Variants in TMEM132D observed in about 807,000 individuals in gnomAD.
TMEM132D encodes mature OL transmembrane protein.
In TMEM132D, 21 loss-of-function variants were observed where a neutral mutation model predicts 62.3. The observed-to-expected ratio is 0.34, with a 90% confidence interval of 0.24 to 0.49. TMEM132D has a LOEUF of 0.49. Ranked by LOEUF, TMEM132D falls within the 20% of genes least tolerant of loss-of-function variation. The pLI is 0.99. For synonymous variants in TMEM132D, 621 were observed against 575.6 expected, an observed-to-expected ratio of 1.08 and a Z score of -1.13; for missense variants, 1,346 against 1,402.8, an observed-to-expected ratio of 0.96 and a Z score of 0.65.
At chr12:129,156,402 C>T (rs967524055) in intron 5 of TMEM132D, among the ~76,000 whole-genome samples, 3 of 151,580 alleles carry the variant, frequency 2.0e-5, no homozygotes, top group African/African-American at 7.3e-5. Flanking sequence ...CCCAAGATAA[C>T]CAACCCACTC....
intron 2 of TMEM132D, among the ~76,000 whole-genome samples, chr12:129,675,614 GAA>G (rs1880608944): frequency 6.6e-6 from 1 of 152,292 alleles, no homozygotes; most frequent in Admixed American, 6.5e-5. Context: ...TGATAAGAAG[GAA>G]AAGTTTCCTC....
At chr12:129,530,810 C>A (rs938838996) in intron 3 of TMEM132D, among the ~76,000 whole-genome samples, 1 of 152,134 alleles carries the variant, frequency 6.6e-6, no homozygotes, top group African/African-American at 2.4e-5. Flanking sequence ...TCAATTCCAT[C>A]TGCATGGTGC....
At chr12:129,205,730 G>A (rs563615929) in intron 5 of TMEM132D, among the ~76,000 whole-genome samples, 4 of 151,858 alleles carry the variant, frequency 2.6e-5, no homozygotes, top group Admixed American at 2.0e-4. Context: ...TCATCACCAC[G>A]TGGAACATAC....
chr12:129,219,240 T>C (rs1040170777), intron 4 of TMEM132D, among the ~76,000 whole-genome samples: 2 of 152,152 alleles, frequency 1.3e-5, no homozygotes, highest in African/African-American at 2.4e-5. Context: ...TTTCTTGTGA[T>C]AGTGAATAAG....
At chr12:129,464,237 A>C (rs1055875325) in intron 3 of TMEM132D, among the ~76,000 whole-genome samples, 1 of 151,950 alleles carries the variant, frequency 6.6e-6, no homozygotes, top group Non-Finnish European at 1.5e-5. Context: ...GATGATGAGC[A>C]TTTTTTCATG....
chr12:129,469,613 G>A (rs577625464), intron 3 of TMEM132D, among the ~76,000 whole-genome samples: 5 of 152,022 alleles, frequency 3.3e-5, no homozygotes, highest in Non-Finnish European at 7.3e-5. Flanking sequence ...TCAGGTATAC[G>A]GCAGTGACCA....
chr12:129,605,604 T>TATACACACACAC (rs150550863), intron 2 of TMEM132D, among the ~76,000 whole-genome samples: 7 of 106,208 alleles, frequency 6.6e-5, no homozygotes, highest in East Asian at 4.6e-4. Context: ...TATATATATA[T>TATACACACACAC]ACACACACAT....
chr12:129,488,499 C>T (rs1481947866), intron 3 of TMEM132D, among the ~76,000 whole-genome samples: 1 of 151,948 alleles, frequency 6.6e-6, no homozygotes, highest in Non-Finnish European at 1.5e-5. Flanking sequence ...ATGACAAAAC[C>T]CTGTCTCTAT....
chr12:129,902,702 A>T (rs1377312390), intron 1 of TMEM132D, among the ~76,000 whole-genome samples: 1 of 152,168 alleles, frequency 6.6e-6, no homozygotes, highest in African/African-American at 2.4e-5. Context: ...CCCAAACCTC[A>T]CAGCGGCAGA....
At chr12:129,204,244 T>G (rs1002508477) in intron 5 of TMEM132D, among the ~76,000 whole-genome samples, 2 of 151,928 alleles carry the variant, frequency 1.3e-5, no homozygotes, top group African/African-American at 4.8e-5. Flanking sequence ...ATCACAGAGA[T>G]TCAAGAGAAT....
intron 1 of TMEM132D, among the ~76,000 whole-genome samples, chr12:129,769,367 T>G (rs1420103253): frequency 6.6e-6 from 1 of 152,112 alleles, no homozygotes; most frequent in Non-Finnish European, 1.5e-5. Context: ...GCGAAACCCC[T>G]TATAAAATCG....
intron 2 of TMEM132D, among the ~76,000 whole-genome samples, chr12:129,600,467 A>G (rs1392124830): frequency 6.6e-6 from 1 of 152,140 alleles, no homozygotes; most frequent in South Asian, 2.1e-4. Context: ...TGAATTGCCA[A>G]TGTTCTTCAT....
At chr12:129,771,125 T>C (rs1038389921) in intron 1 of TMEM132D, among the ~76,000 whole-genome samples, 2 of 152,162 alleles carry the variant, frequency 1.3e-5, no homozygotes, top group Non-Finnish European at 2.9e-5. Context: ...AAACAGCTCA[T>C]GTCTGCAGAA....
intron 4 of TMEM132D, among the ~76,000 whole-genome samples, chr12:129,257,204 C>CTTTCT (rs1880427869): frequency 2.1e-4 from 26 of 122,624 alleles, no homozygotes; most frequent in African/African-American, 8.2e-4. Context: ...CTGTTTCTTT[C>CTTTCT]TTTTTTTTTT....
chr12:129,575,169 T>A (rs1408332932), intron 2 of TMEM132D, among the ~76,000 whole-genome samples: 1 of 151,858 alleles, frequency 6.6e-6, no homozygotes, highest in Non-Finnish European at 1.5e-5. Context: ...AGCGTTCTCT[T>A]TTCTCTAGCT....
intron 3 of TMEM132D, among the ~76,000 whole-genome samples, chr12:129,479,487 C>T (rs907883146): frequency 3.9e-5 from 6 of 151,964 alleles, no homozygotes; most frequent in African/African-American, 9.7e-5. Flanking sequence ...ATCCCACCAT[C>T]GCAGGCGTGA....
intron 1 of TMEM132D, among the ~76,000 whole-genome samples, chr12:129,865,976 C>G (rs1167714728): frequency 6.6e-6 from 1 of 152,102 alleles, no homozygotes; most frequent in Admixed American, 6.5e-5. Context: ...GATCGTGTGC[C>G]TAACGACTAA....
chr12:129,584,913 G>A (rs1041865360), intron 2 of TMEM132D, among the ~76,000 whole-genome samples: 12 of 152,328 alleles, frequency 7.9e-5, no homozygotes, highest in African/African-American at 2.6e-4. Flanking sequence ...AGTGGGGACA[G>A]AGCCAGCATG....
intron 4 of TMEM132D, among the ~76,000 whole-genome samples, chr12:129,320,775 C>A (rs567170890): frequency 8.5e-5 from 13 of 152,112 alleles, no homozygotes; most frequent in African/African-American, 2.9e-4. Context: ...GTTTGGAGTA[C>A]AATAGGGGCA....
Sources: gnomAD v4.1 joint callset for allele counts (sites outside exome capture counted in the v4.1 genomes callset) on GRCh38, gnomAD v4.1.1 for gene constraint, MANE v1.5 for transcripts, NCBI Gene and HGNC (gene_info 2026-07-23, HGNC 2026-07-21) for gene names.